Variants in ABTB2 observed in about 807,000 individuals in gnomAD.
ABTB2 encodes ankyrin repeat and BTB domain containing 2.
ABTB2 carries 56 observed loss-of-function variants against 104.1 expected under a neutral mutation model. The ratio of observed to expected loss-of-function variants is 0.54; its 90% CI spans 0.43 to 0.67. The LOEUF (loss-of-function observed/expected upper bound fraction) is 0.67. ABTB2 is among the 30% of genes least tolerant of loss of function. ABTB2 has a pLI of 0.00. For synonymous variants in ABTB2, 606 were observed against 608.2 expected (o/e 1.00, Z 0.05); for missense variants, 1,279 against 1,407.7 (o/e 0.91, Z 1.46).
At chr11:34,176,376 T>C (rs910450812) in intron 3 of ABTB2, among the ~76,000 whole-genome samples, 2 of 152,086 alleles carry the variant, frequency 1.3e-5, no homozygotes, top group Admixed American at 6.5e-5. Flanking sequence ...ATGCATGTTG[T>C]CTTCCTAACC....
intron 1 of ABTB2, among the ~76,000 whole-genome samples, chr11:34,310,169 G>A (rs1476823051): frequency 1.3e-5 from 2 of 152,108 alleles, no homozygotes; most frequent in African/African-American, 4.8e-5. Flanking sequence ...GCCCAGGAAG[G>A]GCTCGAGAAG....
intron 3 of ABTB2, among the ~76,000 whole-genome samples, chr11:34,183,419 A>T (rs1195811396): frequency 6.6e-6 from 1 of 152,172 alleles, no homozygotes; most frequent in Non-Finnish European, 1.5e-5. Flanking sequence ...TTGAAAGGGA[A>T]AAAGAGAGCT....
In ABTB2 at chr11:34,151,107, G is replaced by A. The variant is rs1312424699; in HGVS notation, c.*1280C>T. 6.6e-6 allele frequency: 1 copy of A among 152,642 alleles called. No individual in the cohort carries two copies. The highest frequency in any genetic ancestry group is 2.4e-5 in the African/African-American group (1 of 41,466). The allele number at this position is 152,642 out of a possible 1,614,324, so 9.5% of individuals were successfully genotyped here. A position where few individuals can be genotyped will look rare whatever the true frequency, so the allele number is the denominator to read the frequency against. Reference sequence around the variant, plus strand: ...GCAATAAAATAATGCCTATTTCTTTGTACATCCAGCCAAGCAGCTAGTCAA... The same window carrying A: ...GCAATAAAATAATGCCTATTTCTTTATACATCCAGCCAAGCAGCTAGTCAA... On this transcript the variant is annotated 3_prime_UTR_variant, in exon 17 of 17. Transcript: ENST00000435224.
intron 1 of ABTB2, among the ~76,000 whole-genome samples, chr11:34,208,824 C>T (rs1853440391): frequency 6.6e-6 from 1 of 152,066 alleles, no homozygotes; most frequent in Non-Finnish European, 1.5e-5. Flanking sequence ...GCTGCTTTTA[C>T]CACCAACATA....
intron 1 of ABTB2, among the ~76,000 whole-genome samples, chr11:34,289,539 T>C (rs548007906): frequency 1.3e-5 from 2 of 152,308 alleles, no homozygotes; most frequent in East Asian, 3.9e-4. Flanking sequence ...ATACTACTTG[T>C]AAGCAGCAGA....
At position 34,164,679 on chromosome 11, in the gene ABTB2, C is replaced by T; in HGVS notation, c.1988+7G>A. On this transcript the variant is annotated splice_region_variant and intron_variant, in intron 9 of 16. Coordinates refer to ENST00000435224, the MANE Select transcript of ABTB2 (RefSeq NM_145804.3). ...TGTCACACAGGGTGGGAATCCCGGGCAGGTACCTGTGGCCGTGGGCAGCTG... is the reference window on the plus strand; with the variant it reads ...TGTCACACAGGGTGGGAATCCCGGGTAGGTACCTGTGGCCGTGGGCAGCTG... 4.0e-6 allele frequency: 6 copies of T among 1,500,032 alleles called. No homozygotes were observed. The highest frequency in any genetic ancestry group is 5.3e-6 in the Non-Finnish European group (6 of 1,132,564). The allele number at this position is 1,500,032 out of a possible 1,614,324, so 92.9% of individuals were successfully genotyped here. A position where few individuals can be genotyped will look rare whatever the true frequency, so the allele number is the denominator to read the frequency against.
chr11:34,249,472 A>G (rs946780397), intron 1 of ABTB2, among the ~76,000 whole-genome samples: 2 of 152,222 alleles, frequency 1.3e-5, no homozygotes, highest in Non-Finnish European at 2.9e-5. Context: ...CAAATAGTAG[A>G]AAGCACTTGG....
At chr11:34,155,871 G>T (rs1452225989) in intron 14 of ABTB2, among the ~76,000 whole-genome samples, 1 of 152,244 alleles carries the variant, frequency 6.6e-6, no homozygotes, top group Non-Finnish European at 1.5e-5. Context: ...TCCAGATAGT[G>T]TGTGCCTTGG....
At chr11:34,271,464 AG>A (rs1322724654) in intron 1 of ABTB2, among the ~76,000 whole-genome samples, 1 of 152,012 alleles carries the variant, frequency 6.6e-6, no homozygotes, top group African/African-American at 2.4e-5. Flanking sequence ...CTAGGCCAGG[AG>A]TGGTGGCTCA....
chr11:34,291,865 T>C (rs528758022), intron 1 of ABTB2, among the ~76,000 whole-genome samples: 1 of 152,242 alleles, frequency 6.6e-6, no homozygotes, highest in East Asian at 1.9e-4. Flanking sequence ...TTGGGCAAAG[T>C]GGTCTGTAAA....
In ABTB2 at chr11:34,332,182, C is replaced by T. The variant is rs540493316; in HGVS notation, c.883+24519G>A. The stretch of plus-strand genomic sequence containing the variant: ...TTTTCGCCTCTATTCTGATGCAGCA[C>T]TTAACGTAAAGGAGGCATCTGTAAA... On this transcript the variant is annotated intron_variant, in intron 1 of 16. Coordinates refer to ENST00000435224, the MANE Select transcript of ABTB2 (RefSeq NM_145804.3). Among the ~76,000 whole-genome samples, 317 of 152,338 alleles carry T rather than the reference C, an allele frequency of 2.1e-3. 2 individuals carry two copies. Among genetic ancestry groups the T allele is most frequent in the African/African-American group, 7.0e-3 (293 of 41,572 alleles).
chr11:34,302,958 T>C (rs1052744829), intron 1 of ABTB2, among the ~76,000 whole-genome samples: 1 of 152,204 alleles, frequency 6.6e-6, no homozygotes, highest in Non-Finnish European at 1.5e-5. Context: ...GATAAGGACC[T>C]GATAAGACAC....
intron 1 of ABTB2, among the ~76,000 whole-genome samples, chr11:34,337,609 A>G (rs1348313355): frequency 2.0e-5 from 3 of 152,174 alleles, no homozygotes; most frequent in African/African-American, 7.2e-5. Context: ...GACCTCGAGC[A>G]AGTCATTTCA....
intron 1 of ABTB2, among the ~76,000 whole-genome samples, chr11:34,237,904 A>T (rs1853865731): frequency 1.3e-5 from 2 of 152,106 alleles, no homozygotes; most frequent in Admixed American, 1.3e-4. Flanking sequence ...ACTCAAAAAC[A>T]AACAAAAAAC....
At chr11:34,188,094 G>C (rs2133029745) in intron 3 of ABTB2, among the ~76,000 whole-genome samples, 1 of 152,202 alleles carries the variant, frequency 6.6e-6, no homozygotes, top group Non-Finnish European at 1.5e-5. Context: ...AAAAATTCTG[G>C]AAATATTTCA....
chr11:34,292,387 T>C (rs1386548162), intron 1 of ABTB2, among the ~76,000 whole-genome samples: 1 of 151,330 alleles, frequency 6.6e-6, no homozygotes, highest in Non-Finnish European at 1.5e-5. Flanking sequence ...AAACAGCTAG[T>C]TTTCCTCGGG....
rs1329786038 is a variant in ABTB2 at position 34,195,082 on chromosome 11, GGGGA to G, written c.1244+2239_1244+2242del. 1.4e-4 allele frequency among the ~76,000 whole-genome samples: 13 copies of G among 95,056 alleles called. 3 individuals carry two copies. Among genetic ancestry groups the G allele is most frequent in the Admixed American group, 2.8e-4 (3 of 10,734 alleles). The allele number at this position is 95,056 out of a possible 152,430, so 62.4% of individuals were successfully genotyped here. On this transcript the variant is annotated intron_variant, in intron 3 of 16. Transcript: ENST00000435224. Reference sequence around the variant, plus strand: ...CATGACAAAGATGCCCGGCGGGGGGGGGGAGTGGGGGCGGGAGAAAGTGCCAGCA... The same window carrying G: ...CATGACAAAGATGCCCGGCGGGGGGGGTGGGGGCGGGAGAAAGTGCCAGCA...
intron 1 of ABTB2, among the ~76,000 whole-genome samples, chr11:34,354,354 C>T (rs1398019924): frequency 2.6e-5 from 4 of 152,032 alleles, no homozygotes; most frequent in Non-Finnish European, 4.4e-5. Flanking sequence ...TGGTGGCTCA[C>T]GCCTGTCGCC....
chr11:34,281,219 G>C (rs569346785), intron 1 of ABTB2, among the ~76,000 whole-genome samples: 1 of 152,298 alleles, frequency 6.6e-6, no homozygotes, highest in East Asian at 1.9e-4. Flanking sequence ...TGAACACCTA[G>C]CAAGGGTTCT....
Sources: gnomAD v4.1 joint callset for allele counts (sites outside exome capture counted in the v4.1 genomes callset) on GRCh38, gnomAD v4.1.1 for gene constraint, MANE v1.5 for transcripts, NCBI Gene and HGNC (gene_info 2026-07-23, HGNC 2026-07-21) for gene names.